TFG: variants seen among roughly 807,000 people sequenced by gnomAD.
TFG encodes trafficking from ER to golgi regulator, also known as protein TFG.
A neutral mutation model predicts 51.4 loss-of-function variants in TFG; 22 were observed. The ratio of observed to expected loss-of-function variants is 0.43; its 90% CI spans 0.31 to 0.61. TFG has a LOEUF of 0.61. Ranked by LOEUF, TFG falls within the 20% of genes least tolerant of loss-of-function variation. TFG has a pLI of 0.12. For missense variants in TFG, 419 were observed against 487.7 expected, an observed-to-expected ratio of 0.86 and a Z score of 1.33; for synonymous variants, 187 against 165.6, an observed-to-expected ratio of 1.13 and a Z score of -0.99.
chr3:100,733,319 G>A (rs1236230997), intron 5 of TFG, among the ~76,000 whole-genome samples: 3 of 152,116 alleles, frequency 2.0e-5, no homozygotes, highest in Non-Finnish European at 4.4e-5. Context: ...CAGGTTGGGT[G>A]ATTTCTGTTG....
At position 100,736,667 on chromosome 3, in the gene TFG, A is replaced by G. The variant is rs141412018; in HGVS notation, c.672A>G (p.Pro224=). 31 of 1,614,086 alleles carry G rather than the reference A, an allele frequency of 1.9e-5. No homozygotes were observed. In the Admixed American group the frequency reaches 4.2e-4, roughly 22 times the overall value. Residue 224 remains proline, a synonymous_variant, in exon 6 of 8, where the codon CCA becomes CCG. Coordinates refer to ENST00000240851, the MANE Select transcript of TFG (RefSeq NM_006070.6). ...CAGCTCACCCACCAGGCGTTCAGCCACAGCAGCCACCATATACAGGAGCTC... is the reference window on the plus strand; with the variant it reads ...CAGCTCACCCACCAGGCGTTCAGCCGCAGCAGCCACCATATACAGGAGCTC... ...SSAAHPPGVQ[P]QQPPYTGAQT...
intron 7 of TFG, 129 bp from the exon 8 acceptor site, chr3:100,748,020 A>T: frequency 1.2e-6 from 1 of 806,244 alleles, no homozygotes; most frequent in South Asian, 1.8e-5. Context: ...GGAATCTACC[A>T]CTCTGCTTGT....
intron 6 of TFG, among the ~76,000 whole-genome samples, chr3:100,737,142 GTTTT>G (rs369887753): frequency 1.1e-4 from 16 of 152,016 alleles, no homozygotes; most frequent in Non-Finnish European, 1.8e-4. Flanking sequence ...GTTGTAGTGG[GTTTT>G]TTTTGTTAAG....
In TFG at chr3:100,748,881, A is replaced by G. The variant is rs543507568; in HGVS notation, c.*350A>G. 27 of 253,624 alleles carry G rather than the reference A, an allele frequency of 1.1e-4. No individual in the cohort carries two copies. The highest frequency in any genetic ancestry group is 1.0e-3 in the East Asian group (17 of 16,682). The allele number at this position is 253,624 out of a possible 1,614,324, so 15.7% of individuals were successfully genotyped here. On this transcript the variant is annotated 3_prime_UTR_variant, in exon 8 of 8. Coordinates refer to ENST00000240851, the MANE Select transcript of TFG (RefSeq NM_006070.6). ...TGGCTTTTTACTATTAACATGATGTACTAAAGTAGAGCCCTTTGAGAATAC... is the reference window on the plus strand; with the variant it reads ...TGGCTTTTTACTATTAACATGATGTGCTAAAGTAGAGCCCTTTGAGAATAC...
Position 100,713,920 on chromosome 3 carries a change from AAAAAGAC to A in TFG, c.184+53_184+59del. The A allele has an allele frequency of 1.1e-5, 14 of 1,249,670 alleles. No homozygotes were observed. The South Asian group carries it at 2.4e-4, about 21-fold the overall frequency. 77.4% of individuals were successfully genotyped at this position (1,249,670 alleles called of 1,614,324 possible). A position where few individuals can be genotyped will look rare whatever the true frequency, so the allele number is the denominator to read the frequency against. ...TTAAAGTCTTTTTAAAAAAAAAAAA[AAAAAGAC>A]AGAGCCTCTGTTGCCCAGGCTGGAG... On this transcript the variant is annotated intron_variant, in intron 2 of 7. Transcript: ENST00000240851.
At chr3:100,744,143 A>T (rs2095128878) in intron 6 of TFG, 1 of 152,246 alleles carries the variant, frequency 6.6e-6, no homozygotes, top group Non-Finnish European at 1.5e-5. Flanking sequence ...TCATAGGAAC[A>T]GTGGTTGTTG....
chr3:100,744,980 C>G (rs766430750), intron 7 of TFG, 49 bp downstream of exon 7: 1 of 1,177,624 alleles, frequency 8.5e-7, no homozygotes, highest in Non-Finnish European at 1.2e-6. Context: ...TGTTTCTATA[C>G]TCATTAAACT....
intron 6 of TFG, among the ~76,000 whole-genome samples, chr3:100,739,895 G>T (rs2095116661): frequency 6.6e-6 from 1 of 152,072 alleles, no homozygotes; most frequent in Non-Finnish European, 1.5e-5. Flanking sequence ...GTGTCACTCT[G>T]TTGCCCAGGT....
In TFG at chr3:100,744,807, TTG is replaced by T. The variant is rs371704682; in HGVS notation, c.722-8_722-7del. The stretch of plus-strand genomic sequence containing the variant: ...GCCACATTAAACATGCCTTTTTTCC[TTG>T]TGTGTGTGTGTGTGTGTTTTCAGGT... On this transcript the variant is annotated intron_variant, in intron 6 of 7. Transcript: ENST00000240851. The T allele has an allele frequency of 0.02, 25,404 of 1,255,900 alleles. 1 individual carries two copies. Among genetic ancestry groups the T allele is most frequent in the South Asian group, 0.026 (1,801 of 68,964 alleles). The allele number at this position is 1,255,900 out of a possible 1,614,324, so 77.8% of individuals were successfully genotyped here. A position where few individuals can be genotyped will look rare whatever the true frequency, so the allele number is the denominator to read the frequency against.
chr3:100,748,289 G>A lies in TFG; in HGVS notation c.961G>A (p.Ala321Thr). The A allele has an allele frequency of 6.2e-7, 1 of 1,614,032 alleles. No individual in the cohort carries two copies. The highest frequency in any genetic ancestry group is 8.5e-7 in the Non-Finnish European group (1 of 1,179,994). Residue 321 changes from alanine to threonine, a missense_variant, in exon 8 of 8, where the codon GCG becomes ACG. By Grantham distance (58) the Ala-to-Thr change is moderately conservative. This residue lies in a region of TFG where 391 missense variants were observed against 434.4 expected (regional missense o/e 0.90). Coordinates refer to ENST00000240851, the MANE Select transcript of TFG (RefSeq NM_006070.6). ...LPAQPPQQYQASNYPAQTYTA... is the reference protein window; with the variant it reads ...LPAQPPQQYQTSNYPAQTYTA... ...TGCTCAGCCGCCACAGCAGTACCAG[G>A]CGAGCAATTATCCTGCACAAACTTA...
chr3:100,738,457 TAAATG>T (rs368031014), intron 6 of TFG, among the ~76,000 whole-genome samples: 38 of 152,216 alleles, frequency 2.5e-4, no homozygotes, highest in African/African-American at 9.2e-4. Context: ...TATGTATAAA[TAAATG>T]GGAATTAAGG....
intron 6 of TFG, among the ~76,000 whole-genome samples, chr3:100,738,938 G>A (rs1394879132): frequency 4.6e-5 from 7 of 152,158 alleles, no homozygotes; most frequent in Non-Finnish European, 8.8e-5. Context: ...TGTATTGGAA[G>A]TCTGGGATTT....
intron 3 of TFG, among the ~76,000 whole-genome samples, chr3:100,722,249 A>G (rs930627082): frequency 6.6e-6 from 1 of 152,246 alleles, no homozygotes; most frequent in Admixed American, 6.5e-5. Context: ...TAACTTGGAA[A>G]TGAGAAATAT....
At position 100,748,641 on chromosome 3, in the gene TFG, T is replaced by G; in HGVS notation, c.*110T>G. The G allele has an allele frequency of 1.7e-6, 2 of 1,180,930 alleles. No individual in the cohort carries two copies. Among genetic ancestry groups the G allele is most frequent in the Non-Finnish European group, 2.3e-6 (2 of 867,578 alleles). 73.2% of individuals were successfully genotyped at this position (1,180,930 alleles called of 1,614,324 possible). ...AGTTCAGAAATTTAAAAGCAGAGCA[T>G]TTTTTATGATATCATTGTTGGTGTT... On this transcript the variant is annotated 3_prime_UTR_variant, in exon 8 of 8. Transcript: ENST00000240851.
At chr3:100,731,478 T>C (rs1442407406) in intron 4 of TFG, among the ~76,000 whole-genome samples, 1 of 152,226 alleles carries the variant, frequency 6.6e-6, no homozygotes, top group African/African-American at 2.4e-5. Context: ...CATTTTATTA[T>C]AGAAAAGTTT....
rs779563177 is a variant in TFG, at chr3:100,748,153, C to G, written c.825C>G (p.Ser275Arg). ...PQQYGIQYSA[S>R]YSQQTGPQQP... ...TTATTTATTTTGCCTTTTCAGCAAGCTATAGTCAGCAGACTGGACCTCAAC... is the reference window on the plus strand; with the variant it reads ...TTATTTATTTTGCCTTTTCAGCAAGGTATAGTCAGCAGACTGGACCTCAAC... The change falls in exon 8 of 8, where the codon AGC becomes AGG. Residue 275 changes from serine (S) to arginine (R), a missense_variant. Physicochemically the swap from Ser to Arg is moderately radical, Grantham distance 110. Transcript: ENST00000240851. 6.2e-7 allele frequency: 1 copy of G among 1,613,248 alleles called. No individual in the cohort carries two copies. Among genetic ancestry groups the G allele is most frequent in the Non-Finnish European group, 8.5e-7 (1 of 1,179,542 alleles).
intron 2 of TFG, among the ~76,000 whole-genome samples, chr3:100,717,558 T>C (rs1446768484): frequency 6.7e-6 from 1 of 149,370 alleles, no homozygotes; most frequent in Non-Finnish European, 1.5e-5. Context: ...ATATGTATGC[T>C]CTTTGGTTTC....
chr3:100,738,159 T>C (rs995314984), intron 6 of TFG, among the ~76,000 whole-genome samples: 4 of 152,212 alleles, frequency 2.6e-5, no homozygotes, highest in Non-Finnish European at 5.9e-5. Flanking sequence ...GACATTTTGC[T>C]GATGAATCAG....
At chr3:100,740,234 A>T (rs1576375661) in intron 6 of TFG, among the ~76,000 whole-genome samples, 1 of 152,206 alleles carries the variant, frequency 6.6e-6, no homozygotes, top group East Asian at 1.9e-4. Context: ...TATCTCATAC[A>T]GTTTTAGACA....
Sources: allele counts gnomAD v4.1 joint callset (sites outside exome capture counted in the v4.1 genomes callset), GRCh38; gene constraint gnomAD v4.1.1; regional missense constraint gnomAD v4.1.1; transcripts MANE v1.5; gene names NCBI Gene and HGNC (gene_info 2026-07-23, HGNC 2026-07-21).